Variants in TTC27 observed in about 807,000 individuals in gnomAD.
The protein encoded by TTC27 is tetratricopeptide repeat domain 27.
In TTC27, 79 loss-of-function variants were observed where a neutral mutation model predicts 115.9. The ratio of observed to expected loss-of-function variants is 0.68; its 90% CI spans 0.57 to 0.82. TTC27 has a LOEUF of 0.82. Ranked by LOEUF, TTC27 falls within the 40% of genes least tolerant of loss-of-function variation. TTC27 has a pLI of 0.00. For missense variants in TTC27, 1,054 were observed against 993.1 expected (o/e 1.06, Z -0.82); for synonymous variants, 401 against 356.0 (o/e 1.13, Z -1.42).
Position 32,728,333 on chromosome 2 carries a change from G to A in TTC27, c.1234-5495G>A, listed in dbSNP as rs147265287. ...TGGGATTACAGGCGTGAACCACCGC[G>A]CCCGGCCAGGACTGCCTCTTAAAGT... On this transcript the variant is annotated intron_variant, in intron 10 of 19. Transcript: ENST00000317907. Among the ~76,000 whole-genome samples, 1,424 of 152,116 alleles carry A rather than the reference G, an allele frequency of 9.4e-3. 12 individuals are homozygous for A. The highest frequency in any genetic ancestry group is 0.055 in the Middle Eastern group (16 of 292).
intron 2 of TTC27, among the ~76,000 whole-genome samples, chr2:32,632,640 A>C (rs1664260114): frequency 6.6e-6 from 1 of 151,078 alleles, no homozygotes. Context: ...CCAGAGTTTT[A>C]TATTTTTGCT....
At chr2:32,707,750 G>T (rs1030669859) in intron 10 of TTC27, among the ~76,000 whole-genome samples, 1 of 152,030 alleles carries the variant, frequency 6.6e-6, no homozygotes, top group Non-Finnish European at 1.5e-5. Flanking sequence ...ATATTCCATA[G>T]CTCTGTCCAC....
intron 4 of TTC27, among the ~76,000 whole-genome samples, chr2:32,647,337 C>G (rs749727347): frequency 3.9e-5 from 6 of 152,148 alleles, no homozygotes; most frequent in Non-Finnish European, 7.4e-5. Context: ...CCAGACCTGA[C>G]TCACTTATTG....
intron 4 of TTC27, among the ~76,000 whole-genome samples, chr2:32,641,352 T>G (rs1391262688): frequency 6.6e-6 from 1 of 152,168 alleles, no homozygotes; most frequent in African/African-American, 2.4e-5. Context: ...CTGTAGACAA[T>G]GTTTCATTAA....
chr2:32,680,119 GT>G (rs1264357334), intron 9 of TTC27, among the ~76,000 whole-genome samples: 1 of 152,086 alleles, frequency 6.6e-6, no homozygotes, highest in Non-Finnish European at 1.5e-5. Context: ...GAGTCCTCTG[GT>G]TGTGTGTTTT....
intron 12 of TTC27, among the ~76,000 whole-genome samples, chr2:32,750,556 GT>G (rs1221612903): frequency 2.6e-5 from 4 of 152,200 alleles, no homozygotes; most frequent in African/African-American, 9.6e-5. Context: ...CTATGCAAGG[GT>G]TTAGTTGTTT....
chr2:32,811,879 C>T (rs918781799), intron 17 of TTC27, among the ~76,000 whole-genome samples: 1 of 152,184 alleles, frequency 6.6e-6, no homozygotes, highest in Admixed American at 6.5e-5. Context: ...GAATTAGCCA[C>T]GGCACAGCTA....
chr2:32,630,812 C>T, intron 2 of TTC27, 112 bp downstream of exon 2: 1 of 953,308 alleles, frequency 1.0e-6, no homozygotes, highest in Non-Finnish European at 1.5e-6. Context: ...TTATATTTTA[C>T]TCAAGACTCA....
At position 32,782,679 on chromosome 2, in the gene TTC27, G is replaced by T. The variant is rs1399482618; in HGVS notation, c.1832+1G>T. 6.2e-7 allele frequency: 1 copy of T among 1,608,716 alleles called. No homozygotes were observed. Among genetic ancestry groups the T allele is most frequent in the African/African-American group, 1.3e-5 (1 of 74,844 alleles). On this transcript the variant is annotated splice_donor_variant, in intron 15 of 19. Transcript: ENST00000317907. LOFTEE classifies it high-confidence loss of function. ...CTTCCTATATCCGATTAAAACAAAAGTAAGTACATCAGACAAATATGAAGA... is the reference window on the plus strand; with the variant it reads ...CTTCCTATATCCGATTAAAACAAAATTAAGTACATCAGACAAATATGAAGA...
chr2:32,672,354 C>G lies in TTC27; in HGVS notation c.1022C>G (p.Ala341Gly). The change falls in exon 8 of 20, where the codon GCT becomes GGT. Residue 341 changes from alanine to glycine, a missense_variant. Ala to Gly is a moderately conservative substitution (Grantham distance 60, BLOSUM62 0). Coordinates refer to ENST00000317907, the MANE Select transcript of TTC27 (RefSeq NM_017735.5). ...CAGTTCCAGATGCCGGATCTGTGTG[C>G]TGAAGAGATCGCTATTATTCTTGGA... ...CEQFQMPDLCAEEIAIILGIC... is the reference protein window; with the variant it reads ...CEQFQMPDLCGEEIAIILGIC... 2 of 1,613,568 alleles carry G rather than the reference C, an allele frequency of 1.2e-6. No homozygotes were observed. The highest frequency in any genetic ancestry group is 1.7e-6 in the Non-Finnish European group (2 of 1,179,638).
At chr2:32,640,519 T>C in intron 4 of TTC27, 109 bp downstream of exon 4, 1 of 1,149,914 alleles carries the variant, frequency 8.7e-7, no homozygotes, top group South Asian at 1.5e-5. Context: ...GTTTTCTAAG[T>C]CTTCTAGGTA....
At chr2:32,745,582 A>C (rs915949310) in intron 12 of TTC27, among the ~76,000 whole-genome samples, 2 of 152,164 alleles carry the variant, frequency 1.3e-5, no homozygotes, top group Non-Finnish European at 2.9e-5. Flanking sequence ...GTGGGAGTTT[A>C]ATGACCTAAA....
At chr2:32,816,703 G>A (rs889766428) in intron 18 of TTC27, among the ~76,000 whole-genome samples, 5 of 152,166 alleles carry the variant, frequency 3.3e-5, no homozygotes, top group Admixed American at 1.3e-4. Flanking sequence ...TTGTGGTCGC[G>A]TTCTCTACAT....
At chr2:32,807,611 A>G (rs1293400889) in intron 16 of TTC27, among the ~76,000 whole-genome samples, 3 of 152,208 alleles carry the variant, frequency 2.0e-5, no homozygotes, top group Non-Finnish European at 4.4e-5. Flanking sequence ...AATTAGTATT[A>G]TAGGATACTA....
intron 7 of TTC27, among the ~76,000 whole-genome samples, chr2:32,669,190 C>T (rs1665914621): frequency 6.6e-6 from 1 of 152,176 alleles, no homozygotes; most frequent in Admixed American, 6.6e-5. Flanking sequence ...TGGGGTTTCA[C>T]CGTGTTGCCC....
At chr2:32,677,982 C>T (rs1395125923) in intron 8 of TTC27, among the ~76,000 whole-genome samples, 2 of 152,150 alleles carry the variant, frequency 1.3e-5, no homozygotes, top group African/African-American at 4.8e-5. Context: ...ATGTTGGCTG[C>T]ACAGTGGCCC....
chr2:32,640,076 A>C lies in TTC27; in HGVS notation c.397-194A>C, dbSNP rs141881184. On this transcript the variant is annotated intron_variant, in intron 3 of 19. Coordinates refer to ENST00000317907, the MANE Select transcript of TTC27 (RefSeq NM_017735.5). Reference sequence around the variant, plus strand: ...TTGATCAGATGGGTGGCCATCCATCAGGGCAGGCTGGATTTATAGATGTCT... The same window carrying C: ...TTGATCAGATGGGTGGCCATCCATCCGGGCAGGCTGGATTTATAGATGTCT... Among the ~76,000 whole-genome samples the C allele has an allele frequency of 2.5e-3, 387 of 152,336 alleles. 4 individuals carry two copies. Among genetic ancestry groups the C allele is most frequent in the African/African-American group, 8.9e-3 (368 of 41,576 alleles).
chr2:32,733,667 T>C (rs1321921076), intron 10 of TTC27, among the ~76,000 whole-genome samples, 161 bp from the exon 11 acceptor site: 1 of 152,206 alleles, frequency 6.6e-6, no homozygotes, highest in South Asian at 2.1e-4. Context: ...TTTTTGAACA[T>C]TTAAAGAAAT....
chr2:32,780,402 C>G lies in TTC27; in HGVS notation c.1780-2224C>G, dbSNP rs563194355. Among the ~76,000 whole-genome samples the G allele has an allele frequency of 1.5e-3, 233 of 151,934 alleles. 1 individual carries two copies. Among genetic ancestry groups the G allele is most frequent in the Non-Finnish European group, 2.4e-3 (162 of 67,942 alleles). On this transcript the variant is annotated intron_variant, in intron 14 of 19. Transcript: ENST00000317907. The stretch of plus-strand genomic sequence containing the variant: ...TTAAGTTATTCCAAAGTGTTTTATC[C>G]TTTTTCATACTATTATAAATGGAAT...
Sources: gnomAD v4.1 joint callset for allele counts (sites outside exome capture counted in the v4.1 genomes callset) on GRCh38, gnomAD v4.1.1 for gene constraint, MANE v1.5 for transcripts, NCBI Gene and HGNC (gene_info 2026-07-23, HGNC 2026-07-21) for gene names.